The following MCTP2 variants were observed in gnomAD, a reference collection of about 807,000 sequenced individuals.
MCTP2 encodes the protein multiple C2 and transmembrane domain containing 2.
Under a neutral mutation model 111.6 loss-of-function variants are expected in MCTP2, and 132 were observed. That is an observed-to-expected ratio of 1.18 (90% CI 1.03 to 1.37). The LOEUF is 1.37. MCTP2 is among the 40% of genes most tolerant of loss of function. The probability of loss-of-function intolerance (pLI) is 0.00; values close to 1 mark genes in which losing one functional copy is unlikely to be tolerated. For synonymous variants in MCTP2, 395 were observed against 387.7 expected (o/e 1.02, Z -0.22); for missense variants, 1,183 against 1,067.9 (o/e 1.11, Z -1.50).
chr15:94,430,399 A>T (rs1463185464), intron 17 of MCTP2, among the ~76,000 whole-genome samples: 10 of 82,268 alleles, frequency 1.2e-4, no homozygotes, highest in Non-Finnish European at 2.3e-4. Flanking sequence ...ACAATCACAC[A>T]CACACACACA....
rs80018536 is a variant in MCTP2, at chr15:94,303,641, C to G, written c.465+4911C>G. On this transcript the variant is annotated intron_variant, in intron 2 of 22. Coordinates refer to ENST00000357742, the MANE Select transcript of MCTP2 (RefSeq NM_001385001.1). Reference sequence around the variant, plus strand: ...AGAACAGCATGGGAAAGAGTTGCCCCGTGGTTCAGTCATCTCCCATGGGTC... The same window carrying G: ...AGAACAGCATGGGAAAGAGTTGCCCGGTGGTTCAGTCATCTCCCATGGGTC... 2.6e-5 allele frequency among the ~76,000 whole-genome samples: 4 copies of G among 152,194 alleles called. No homozygotes were observed. In the South Asian group the frequency reaches 8.3e-4, roughly 32 times the overall value.
At position 94,252,069 on chromosome 15, in the gene MCTP2, C is replaced by G. The variant is rs2152268970; in HGVS notation, c.-66+20405C>G. Among the ~76,000 whole-genome samples the G allele has an allele frequency of 2.0e-5, 3 of 152,300 alleles. No individual in the cohort carries two copies. In the South Asian group the frequency reaches 6.2e-4, roughly 32 times the overall value. Reference sequence around the variant, plus strand: ...CTTCTTTTGCCTATTGCAAATAGTGCTGCTAGGAACATCGGTGTACAATTA... The same window carrying G: ...CTTCTTTTGCCTATTGCAAATAGTGGTGCTAGGAACATCGGTGTACAATTA... On this transcript the variant is annotated intron_variant, in intron 1 of 22. Transcript: ENST00000357742.
intron 20 of MCTP2, among the ~76,000 whole-genome samples, chr15:94,461,258 G>A (rs1282098740): frequency 1.3e-5 from 2 of 152,062 alleles, no homozygotes; most frequent in Admixed American, 1.3e-4. Flanking sequence ...TCAGGAGTTC[G>A]AGACCAGCCT....
At chr15:94,464,257 T>TTATATATATATATATATATATATATTATA (rs1555481313) in intron 20 of MCTP2, among the ~76,000 whole-genome samples, 2 of 44,968 alleles carry the variant, frequency 4.4e-5, no homozygotes, top group African/African-American at 1.2e-4. Context: ...TATATATATA[T>TTATATATATATATATATATATATATTATA]TATATATATA....
intron 21 of MCTP2, among the ~76,000 whole-genome samples, chr15:94,472,303 G>C (rs2073992077): frequency 6.6e-6 from 1 of 152,182 alleles, no homozygotes; most frequent in Admixed American, 6.5e-5. Flanking sequence ...CTTGAATCCG[G>C]GAGGCGGAAG....
At chr15:94,322,046 AGAG>A (rs2076653666) in intron 4 of MCTP2, among the ~76,000 whole-genome samples, 1 of 152,214 alleles carries the variant, frequency 6.6e-6, no homozygotes, top group African/African-American at 2.4e-5. Context: ...CAGGAGATGC[AGAG>A]GAGGACAAAA....
intron 2 of MCTP2, among the ~76,000 whole-genome samples, chr15:94,312,632 A>T (rs76622769): frequency 0.016 from 2,455 of 152,374 alleles, 33 homozygotes; most frequent in Non-Finnish European, 0.026. Context: ...GTCTAGGGAC[A>T]TTAAACCTGG....
chr15:94,245,653 T>C (rs894315239), intron 1 of MCTP2, among the ~76,000 whole-genome samples: 14 of 146,818 alleles, frequency 9.5e-5, no homozygotes, highest in African/African-American at 3.5e-4. Context: ...TATACATATG[T>C]ATATGTAAAT....
At chr15:94,474,162 G>C (rs2074156057) in intron 21 of MCTP2, among the ~76,000 whole-genome samples, 1 of 151,842 alleles carries the variant, frequency 6.6e-6, no homozygotes, top group South Asian at 2.1e-4. Flanking sequence ...GTACTATTTA[G>C]GTTAAAAAAA....
intron 17 of MCTP2, among the ~76,000 whole-genome samples, chr15:94,407,018 G>A (rs2081936202): frequency 6.6e-6 from 1 of 151,940 alleles, no homozygotes. Flanking sequence ...TATACCCAGT[G>A]TCTCAGTGCA....
At chr15:94,249,570 C>T (rs983180127) in intron 1 of MCTP2, among the ~76,000 whole-genome samples, 2 of 151,908 alleles carry the variant, frequency 1.3e-5, no homozygotes, top group African/African-American at 4.8e-5. Context: ...ACTGCAACCT[C>T]CGCCTCCTGG....
intron 19 of MCTP2, among the ~76,000 whole-genome samples, chr15:94,457,360 A>T (rs888940379): frequency 1.7e-4 from 26 of 152,226 alleles, no homozygotes; most frequent in African/African-American, 5.5e-4. Flanking sequence ...GGCATGGTAA[A>T]AACACATGTA....
At chr15:94,344,950 CTTTGTT>C (rs762594001) in intron 7 of MCTP2, among the ~76,000 whole-genome samples, 173 bp from the exon 8 acceptor site, 2 of 152,160 alleles carry the variant, frequency 1.3e-5, no homozygotes, top group Non-Finnish European at 2.9e-5. Context: ...ACATGTGACT[CTTTGTT>C]GTTGTTTCTA....
At chr15:94,328,374 C>T (rs576409962) in intron 4 of MCTP2, among the ~76,000 whole-genome samples, 104 of 152,110 alleles carry the variant, frequency 6.8e-4, no homozygotes, top group African/African-American at 2.1e-3. Context: ...GTGATCCACC[C>T]GCCTTGGCCT....
At chr15:94,259,423 C>G (rs1291942118) in intron 1 of MCTP2, among the ~76,000 whole-genome samples, 2 of 152,140 alleles carry the variant, frequency 1.3e-5, no homozygotes, top group African/African-American at 2.4e-5. Flanking sequence ...AATCTTTTAT[C>G]TAAAAATTCA....
chr15:94,423,767 C>A (rs2082736870), intron 17 of MCTP2, among the ~76,000 whole-genome samples: 1 of 152,118 alleles, frequency 6.6e-6, no homozygotes, highest in African/African-American at 2.4e-5. Context: ...ATTCCTAGGC[C>A]AGTGCAGAAT....
intron 19 of MCTP2, among the ~76,000 whole-genome samples, chr15:94,451,207 A>C (rs1051436529): frequency 6.6e-6 from 1 of 152,182 alleles, no homozygotes; most frequent in African/African-American, 2.4e-5. Context: ...GCTTGTACTC[A>C]TCTTCATATG....
Position 94,332,454 on chromosome 15 carries a change from T to G in MCTP2, c.638-6836T>G, listed in dbSNP as rs182700395. ...ACTCTTACCCTATTAGATAAAAAAT[T>G]TAAAATATATACGTTTTATATGTTT... On this transcript the variant is annotated intron_variant, in intron 4 of 22. Transcript: ENST00000357742. Among the ~76,000 whole-genome samples, 67 of 152,292 alleles carry G rather than the reference T, an allele frequency of 4.4e-4. No homozygotes were observed. In the East Asian group the frequency reaches 0.012, roughly 28 times the overall value.
chr15:94,459,919 A>G (rs1371627863), intron 20 of MCTP2, among the ~76,000 whole-genome samples: 1 of 152,244 alleles, frequency 6.6e-6, no homozygotes, highest in Non-Finnish European at 1.5e-5. Context: ...TACATCATTC[A>G]AACCACCCTA....
Sources: allele counts gnomAD v4.1 joint callset (sites outside exome capture counted in the v4.1 genomes callset), GRCh38; gene constraint gnomAD v4.1.1; transcripts MANE v1.5; gene names NCBI Gene and HGNC (gene_info 2026-07-23, HGNC 2026-07-21).